WBP2NL: variants seen among roughly 807,000 people sequenced by gnomAD.
WBP2NL encodes WBP2 N-terminal like, also known as postacrosomal sheath WW domain-binding protein.
WBP2NL carries 27 observed loss-of-function variants against 23.3 expected under a neutral mutation model. The ratio of observed to expected loss-of-function variants is 1.16; its 90% CI spans 0.85 to 1.60. WBP2NL has a LOEUF of 1.60. Among genes scored for constraint, WBP2NL ranks in the 40% most tolerant of loss-of-function variants. The pLI is 0.00. For synonymous variants in WBP2NL, 151 were observed against 145.9 expected (o/e 1.03, Z -0.25); for missense variants, 370 against 389.5 (o/e 0.95, Z 0.42).
chr22:42,043,238 G>T (rs1307223632), intron 8 of WBP2NL, among the ~76,000 whole-genome samples: 1 of 152,124 alleles, frequency 6.6e-6, no homozygotes, highest in Non-Finnish European at 1.5e-5. Context: ...AGGGAGCTGG[G>T]TCTGTGATGT....
downstream of WBP2NL, chr22:42,032,487 G>A (rs1925011944): frequency 4.2e-6 from 1 of 235,994 alleles, no homozygotes; most frequent in Non-Finnish European, 8.7e-6. Context: ...TTACCCAAAA[G>A]GTAATAGAAA....
chr22:42,004,275 A>G (rs1172162269), intron 1 of WBP2NL, among the ~76,000 whole-genome samples: 1 of 151,870 alleles, frequency 6.6e-6, no homozygotes, highest in African/African-American at 2.4e-5. Context: ...CCATATCAAA[A>G]TAAGTAAATA....
At chr22:42,057,225 GTTTC>G (rs1188130873) in intron 8 of WBP2NL, among the ~76,000 whole-genome samples, 2 of 151,914 alleles carry the variant, frequency 1.3e-5, no homozygotes, top group African/African-American at 2.4e-5. Context: ...CTTCATTCTT[GTTTC>G]TTTCTTTTTC....
chr22:42,049,695 C>CA (rs1569455101), intron 8 of WBP2NL, among the ~76,000 whole-genome samples: 482 of 22,706 alleles, frequency 0.021, 23 homozygotes, highest in African/African-American at 0.036. Flanking sequence ...GTCTCCAAAA[C>CA]AAAACAAAAC....
chr22:41,999,632 G>T (rs753542592), intron 1 of WBP2NL, among the ~76,000 whole-genome samples: 17 of 152,190 alleles, frequency 1.1e-4, no homozygotes, highest in Non-Finnish European at 2.5e-4. Context: ...GTGGGCCATG[G>T]TGGTGTGCAC....
chr22:42,044,987 C>A (rs912871304), intron 8 of WBP2NL, among the ~76,000 whole-genome samples: 11 of 151,304 alleles, frequency 7.3e-5, no homozygotes, highest in Non-Finnish European at 1.5e-5. Flanking sequence ...ATTTTTTTTT[C>A]TTTATTTATT....
At chr22:42,044,809 A>C (rs1001373835) in intron 8 of WBP2NL, among the ~76,000 whole-genome samples, 91 of 152,100 alleles carry the variant, frequency 6.0e-4, no homozygotes, top group African/African-American at 2.1e-3. Flanking sequence ...TCAAAAAATA[A>C]ATTTTTAAAA....
intron 1 of WBP2NL, among the ~76,000 whole-genome samples, chr22:42,008,106 C>CCTTTCCTTTG (rs1922435037): frequency 2.5e-4 from 29 of 117,714 alleles, no homozygotes; most frequent in African/African-American, 8.6e-4. Context: ...CCTTTCCTTT[C>CCTTTCCTTTG]CTTTCCTTTC....
intron 5 of WBP2NL, among the ~76,000 whole-genome samples, chr22:42,023,746 C>T (rs1364067783): frequency 6.6e-6 from 1 of 152,004 alleles, no homozygotes; most frequent in African/African-American, 2.4e-5. Context: ...CCGCCCGCCT[C>T]AGCCTCCCAA....
downstream of WBP2NL, among the ~76,000 whole-genome samples, chr22:42,033,505 C>T (rs1322251909): frequency 6.6e-6 from 1 of 152,106 alleles, no homozygotes; most frequent in African/African-American, 2.4e-5. Context: ...ATGAGGTGCA[C>T]AGACAAGTAG....
At chr22:42,040,936 T>A (rs946494757) in intron 8 of WBP2NL, among the ~76,000 whole-genome samples, 2 of 151,714 alleles carry the variant, frequency 1.3e-5, no homozygotes, top group Admixed American at 6.5e-5. Context: ...TATAGTGTTA[T>A]TCAAATCAGT....
chr22:42,019,591 C>T, intron 2 of WBP2NL, 71 bp from the exon 3 acceptor site: 7 of 1,595,508 alleles, frequency 4.4e-6, no homozygotes, highest in African/African-American at 1.3e-5. Flanking sequence ...CCAGAATGCA[C>T]CTTGCTCTTG....
chr22:42,040,341 G>C lies in WBP2NL; in HGVS notation c.*273+9518G>C, dbSNP rs1239830466. On this transcript the variant is annotated intron_variant and NMD_transcript_variant, in intron 8 of 8. Transcript: ENST00000436265. The stretch of plus-strand genomic sequence containing the variant: ...GGGTTCAAGTAATTCTCCTGCCTCA[G>C]CCTCCTGAGTAGCTGGGATTATAGT... 2.0e-5 allele frequency among the ~76,000 whole-genome samples: 3 copies of C among 151,964 alleles called. No homozygotes were observed. The East Asian group carries it at 5.8e-4, about 29-fold the overall frequency.
chr22:42,038,356 G>A (rs1392117832), intron 8 of WBP2NL, among the ~76,000 whole-genome samples: 1 of 152,084 alleles, frequency 6.6e-6, no homozygotes, highest in African/African-American at 2.4e-5. Flanking sequence ...TCATTTTAAT[G>A]TGCTGTTGAA....
chr22:42,035,059 G>A (rs1275434887), downstream of WBP2NL, among the ~76,000 whole-genome samples: 2 of 152,198 alleles, frequency 1.3e-5, no homozygotes, highest in Non-Finnish European at 2.9e-5. Context: ...ACAGGCATAG[G>A]AAATCACAAG....
chr22:42,002,491 C>T (rs1013375811), intron 1 of WBP2NL, among the ~76,000 whole-genome samples: 10 of 151,838 alleles, frequency 6.6e-5, no homozygotes, highest in East Asian at 1.9e-4. Flanking sequence ...GGCTGAGGCA[C>T]GAGAATTGCT....
intron 1 of WBP2NL, among the ~76,000 whole-genome samples, chr22:42,016,392 C>T (rs1022504469): frequency 6.6e-6 from 1 of 152,216 alleles, no homozygotes; most frequent in Admixed American, 6.5e-5. Flanking sequence ...ACAAGTCAAA[C>T]TACAATTTTT....
intron 1 of WBP2NL, among the ~76,000 whole-genome samples, chr22:42,007,112 T>C (rs1922325222): frequency 6.6e-6 from 1 of 152,244 alleles, no homozygotes; most frequent in South Asian, 2.1e-4. Flanking sequence ...TGCCAGTATA[T>C]TGGGAATGTT....
chr22:42,018,111 T>C (rs1923489124), intron 1 of WBP2NL, among the ~76,000 whole-genome samples: 2 of 149,086 alleles, frequency 1.3e-5, no homozygotes, highest in South Asian at 4.3e-4. Context: ...ATCGAGCCAT[T>C]GCACTCAAAC....
Sources: allele counts gnomAD v4.1 joint callset (sites outside exome capture counted in the v4.1 genomes callset), GRCh38; gene constraint gnomAD v4.1.1; transcripts MANE v1.5; gene names NCBI Gene and HGNC (gene_info 2026-07-23, HGNC 2026-07-21).